Variants in CELSR1 observed in about 807,000 individuals in gnomAD.
CELSR1 encodes the protein adhesion G protein-coupled receptor C1.
A neutral mutation model predicts 249.1 loss-of-function variants in CELSR1; 110 were observed. The ratio of observed to expected loss-of-function variants is 0.44; its 90% CI spans 0.38 to 0.52. The LOEUF (loss-of-function observed/expected upper bound fraction) is 0.52. CELSR1 is among the 20% of genes least tolerant of loss of function. The probability of loss-of-function intolerance (pLI) is 0.00; values close to 1 mark genes in which losing one functional copy is unlikely to be tolerated. For synonymous variants in CELSR1, 2,113 were observed against 1,900.0 expected, an observed-to-expected ratio of 1.11 and a Z score of -2.92; for missense variants, 4,109 against 4,296.4, an observed-to-expected ratio of 0.96 and a Z score of 1.22.
At chr22:46,386,334 G>A in intron 19 of CELSR1, 68 bp downstream of exon 19, 1 of 1,424,252 alleles carries the variant, frequency 7.0e-7, no homozygotes, top group Admixed American at 3.0e-5. Flanking sequence ...TCACCCCATG[G>A]GGGCCTAGCT....
At position 46,382,309 on chromosome 22, in the gene CELSR1, G is replaced by A. The variant is rs550574119; in HGVS notation, c.6884-259C>T. Among the ~76,000 whole-genome samples, 11 of 152,202 alleles carry A rather than the reference G, an allele frequency of 7.2e-5. No homozygotes were observed. In the South Asian group the frequency reaches 2.3e-3, roughly 32 times the overall value. On this transcript the variant is annotated intron_variant, in intron 20 of 34. Transcript: ENST00000674500. The stretch of plus-strand genomic sequence containing the variant: ...TATTTATTTTTTGAGACAGAGTCTT[G>A]CTCTGTCGCCCAGGCTGGAGTGCAG...
At position 46,429,132 on chromosome 22, in the gene CELSR1, A is replaced by G. The variant is rs958240294; in HGVS notation, c.4611+4261T>C. On this transcript the variant is annotated intron_variant, in intron 5 of 34. Transcript: ENST00000674500. This position sits in a 1 kb window ranked among gnomAD's most constrained non-coding sequence, Gnocchi z 4.1. Reference sequence around the variant, plus strand: ...CAGCCCCGAGGATCCCCATCCTTCCAGACGGCCCCTCCCTAGCACTGTCTC... The same window carrying G: ...CAGCCCCGAGGATCCCCATCCTTCCGGACGGCCCCTCCCTAGCACTGTCTC... 1.3e-5 allele frequency among the ~76,000 whole-genome samples: 2 copies of G among 152,132 alleles called. No individual in the cohort carries two copies. Among genetic ancestry groups the G allele is most frequent in the Non-Finnish European group, 2.9e-5 (2 of 68,008 alleles).
chr22:46,422,766 CAAAA>C (rs372904848), intron 5 of CELSR1, among the ~76,000 whole-genome samples: 1 of 99,336 alleles, frequency 1.0e-5, no homozygotes, highest in Admixed American at 1.0e-4. Context: ...GACTCCATCT[CAAAA>C]AAAAAAAAAA....
Position 46,474,396 on chromosome 22 carries a change from C to T in CELSR1, c.3545-10051G>A, listed in dbSNP as rs184740803. On this transcript the variant is annotated intron_variant, in intron 1 of 34. Coordinates refer to ENST00000674500, the MANE Select transcript of CELSR1 (RefSeq NM_001378328.1). ...GGGCTGCTGCAGGTGGGTCCTCACA[C>T]ATCCTCCCGTTGGTCCCACCTAGTC... Among the ~76,000 whole-genome samples, 1,157 of 152,258 alleles carry T rather than the reference C, an allele frequency of 7.6e-3. 8 individuals are homozygous for T. Among genetic ancestry groups the T allele is most frequent in the Non-Finnish European group, 0.011 (734 of 68,012 alleles).
intron 29 of CELSR1, 69 bp downstream of exon 29, chr22:46,366,924 G>A (rs1047872336): frequency 4.7e-5 from 73 of 1,537,294 alleles, no homozygotes; most frequent in Middle Eastern, 2.3e-4. Flanking sequence ...GCTGAGGCTC[G>A]ATCACCCTCC....
chr22:46,363,749 G>A lies in CELSR1; in HGVS notation c.9035+247C>T, dbSNP rs2078731827. 1.8e-6 allele frequency: 1 copy of A among 552,288 alleles called. No individual in the cohort carries two copies. Among genetic ancestry groups the A allele is most frequent in the African/African-American group, 1.9e-5 (1 of 51,980 alleles). The allele number at this position is 552,288 out of a possible 1,614,324, so 34.2% of individuals were successfully genotyped here. A position where few individuals can be genotyped will look rare whatever the true frequency, so the allele number is the denominator to read the frequency against. ...CCTTAGGTCCTAGCATTTTGGGGCT[G>A]GCCAGGGCTTCAGAGTCCCAGAGGC... On this transcript the variant is annotated intron_variant, in intron 34 of 34. Transcript: ENST00000674500. The surrounding 1 kb of genome is among the most constrained non-coding windows in gnomAD (Gnocchi z 4.3).
Position 46,409,221 on chromosome 22 carries a change from G to A in CELSR1, c.5060-59C>T, listed in dbSNP as rs2079302468. On this transcript the variant is annotated intron_variant, in intron 8 of 34. Transcript: ENST00000674500. This position sits in a 1 kb window ranked among gnomAD's most constrained non-coding sequence, Gnocchi z 9.8. The stretch of plus-strand genomic sequence containing the variant: ...CCCGAAATCACACGGCCGCGGACTT[G>A]GCTGCAGGGGCGGGGGATGGGCCTG... The A allele has an allele frequency of 1.3e-6, 2 of 1,575,922 alleles. No homozygotes were observed. Among genetic ancestry groups the A allele is most frequent in the Admixed American group, 3.6e-5 (2 of 56,292 alleles).
Position 46,411,372 on chromosome 22 carries a change from C to T in CELSR1, c.4769+230G>A, listed in dbSNP as rs1203577993. Among the ~76,000 whole-genome samples, 1 of 152,184 alleles carries T rather than the reference C, an allele frequency of 6.6e-6. No homozygotes were observed. Among genetic ancestry groups the T allele is most frequent in the Non-Finnish European group, 1.5e-5 (1 of 68,022 alleles). Reference sequence around the variant, plus strand: ...CTCGGGGTCTGCAAGCTGGCCATCACAACCCTGGGGTCGGCCTGGCCACTC... The same window carrying T: ...CTCGGGGTCTGCAAGCTGGCCATCATAACCCTGGGGTCGGCCTGGCCACTC... On this transcript the variant is annotated intron_variant, in intron 6 of 34. Transcript: ENST00000674500. This position sits in a 1 kb window ranked among gnomAD's most constrained non-coding sequence, Gnocchi z 4.2.
rs1355133160 is a variant in CELSR1 at position 46,533,829 on chromosome 22, G to C, written c.3342C>G (p.Asn1114Lys). 2 of 1,613,914 alleles carry C rather than the reference G, an allele frequency of 1.2e-6. No homozygotes were observed. Among genetic ancestry groups the C allele is most frequent in the East Asian group, 2.2e-5 (1 of 44,888 alleles). The change falls in exon 1 of 35, where the codon AAC (asparagine) becomes AAG (lysine). Residue 1114 changes from asparagine (N) to lysine (K), a missense_variant. This residue lies in a region of CELSR1 where 886 missense variants were observed against 896.5 expected (regional missense o/e 0.99). Transcript: ENST00000674500. The stretch of plus-strand genomic sequence containing the variant: ...CGCCGGTGGGGAAACTGTTGGACTT[G>C]TTGGTGACATAGTTGTTGAAGAGGA... ...FQILFNNYVTNKSNSFPTGVI... is the reference protein window; with the variant it reads ...FQILFNNYVTKKSNSFPTGVI...
rs563149469 is a variant in CELSR1 at position 46,423,462 on chromosome 22, G to A, written c.4611+9931C>T. Reference sequence around the variant, plus strand: ...CTCTACTAAAAATACAAAATTAGCCGGGCGTGGTGGTGCAGGCCTGTAATC... The same window carrying A: ...CTCTACTAAAAATACAAAATTAGCCAGGCGTGGTGGTGCAGGCCTGTAATC... On this transcript the variant is annotated intron_variant, in intron 5 of 34. Coordinates refer to ENST00000674500, the MANE Select transcript of CELSR1 (RefSeq NM_001378328.1). This position sits in a 1 kb window ranked among gnomAD's most constrained non-coding sequence, Gnocchi z 5.6. 3.3e-4 allele frequency among the ~76,000 whole-genome samples: 50 copies of A among 151,748 alleles called. No individual in the cohort carries two copies. The highest frequency in any genetic ancestry group is 6.3e-4 in the African/African-American group (26 of 41,372).
chr22:46,526,633 C>T lies in CELSR1; in HGVS notation c.3544+6994G>A, dbSNP rs713640. On this transcript the variant is annotated intron_variant, in intron 1 of 34. Coordinates refer to ENST00000674500, the MANE Select transcript of CELSR1 (RefSeq NM_001378328.1). This position sits in a 1 kb window ranked among gnomAD's most constrained non-coding sequence, Gnocchi z 4.7. ...CACGGATGACCCCCTCGGAGACACT[C>T]GCCCTCCCTCAGCCTCCAGGGCCTG... Among the ~76,000 whole-genome samples, 48,958 of 152,024 alleles carry T rather than the reference C, an allele frequency of 0.32. 9,375 individuals are homozygous for T. The highest frequency in any genetic ancestry group is 0.6 in the East Asian group (3,108 of 5,146).
chr22:46,478,751 A>C (rs1159880694), intron 1 of CELSR1, among the ~76,000 whole-genome samples: 3 of 147,830 alleles, frequency 2.0e-5, no homozygotes, highest in East Asian at 2.0e-4. Context: ...ACGGGGTTTC[A>C]CCATGTTAGC....
chr22:46,374,015 C>A lies in CELSR1; in HGVS notation c.7585-958G>T, dbSNP rs1438470030. ...AGGGCCAGCCACCCTCCAGAAACAA[C>A]GCCCCCGAGGTGGGGAGGGCCCCAA... is the stretch of plus-strand genomic sequence containing the variant. On this transcript the variant is annotated intron_variant, in intron 24 of 34. Coordinates refer to ENST00000674500, the MANE Select transcript of CELSR1 (RefSeq NM_001378328.1). The surrounding 1 kb of genome is among the most constrained non-coding windows in gnomAD (Gnocchi z 4.3). Among the ~76,000 whole-genome samples, 1 of 152,200 alleles carries A rather than the reference C, an allele frequency of 6.6e-6. No homozygotes were observed. The highest frequency in any genetic ancestry group is 2.4e-5 in the African/African-American group (1 of 41,452).
chr22:46,525,187 G>C (rs546219818), intron 1 of CELSR1, among the ~76,000 whole-genome samples: 1 of 152,288 alleles, frequency 6.6e-6, no homozygotes, highest in Non-Finnish European at 1.5e-5. Flanking sequence ...GGTGGCTCAC[G>C]CCTATAATCC....
At chr22:46,492,739 A>G (rs2080379357) in intron 1 of CELSR1, among the ~76,000 whole-genome samples, 2 of 151,168 alleles carry the variant, frequency 1.3e-5, no homozygotes, top group African/African-American at 2.4e-5. Flanking sequence ...CGCTCGAGGC[A>G]AGATCCACCG....
At chr22:46,495,148 G>A (rs1177648489) in intron 1 of CELSR1, among the ~76,000 whole-genome samples, 1 of 151,930 alleles carries the variant, frequency 6.6e-6, no homozygotes, top group East Asian at 1.9e-4. Context: ...ACAGCCTACT[G>A]CACACCTAGA....
At position 46,386,265 on chromosome 22, in the gene CELSR1, C is replaced by T. The variant is rs912787409; in HGVS notation, c.6739+137G>A. The T allele has an allele frequency of 2.8e-5, 28 of 984,996 alleles. No homozygotes were observed. The Admixed American group carries it at 7.1e-4, about 25-fold the overall frequency. The allele number at this position is 984,996 out of a possible 1,614,324, so 61.0% of individuals were successfully genotyped here. A position where few individuals can be genotyped will look rare whatever the true frequency, so the allele number is the denominator to read the frequency against. On this transcript the variant is annotated intron_variant, in intron 19 of 34. Transcript: ENST00000674500. ...GATTACAGGTATGAGCCACTGTGCCCGGCCTCACAATCATTTTTCTAAGAG... is the reference window on the plus strand; with the variant it reads ...GATTACAGGTATGAGCCACTGTGCCTGGCCTCACAATCATTTTTCTAAGAG...
In CELSR1 at chr22:46,408,935, C is replaced by G. The variant is rs2079298130; in HGVS notation, c.5226+61G>C. On this transcript the variant is annotated intron_variant, in intron 9 of 34. Transcript: ENST00000674500. This position sits in a 1 kb window ranked among gnomAD's most constrained non-coding sequence, Gnocchi z 4.6. ...GAGTGTGCACCAGGAAGCCCAGCGCCTGGGTCCCTCCCTCGGGCACCCACC... is the reference window on the plus strand; with the variant it reads ...GAGTGTGCACCAGGAAGCCCAGCGCGTGGGTCCCTCCCTCGGGCACCCACC... 2 of 1,407,992 alleles carry G rather than the reference C, an allele frequency of 1.4e-6. No individual in the cohort carries two copies. Among genetic ancestry groups the G allele is most frequent in the Admixed American group, 2.5e-5 (1 of 40,606 alleles). The allele number at this position is 1,407,992 out of a possible 1,614,324, so 87.2% of individuals were successfully genotyped here. A position where few individuals can be genotyped will look rare whatever the true frequency, so the allele number is the denominator to read the frequency against.
At chr22:46,495,566 T>C (rs981193683) in intron 1 of CELSR1, among the ~76,000 whole-genome samples, 1 of 152,216 alleles carries the variant, frequency 6.6e-6, no homozygotes, top group Non-Finnish European at 1.5e-5. Flanking sequence ...CTGGGCACAG[T>C]GGCTCACGCC....
Sources: allele counts gnomAD v4.1 joint callset (sites outside exome capture counted in the v4.1 genomes callset), GRCh38; gene constraint gnomAD v4.1.1; regional missense constraint gnomAD v4.1.1; non-coding constraint Gnocchi (gnomAD v3.1); transcripts MANE v1.5; gene names NCBI Gene and HGNC (gene_info 2026-07-23, HGNC 2026-07-21).